Variants in FGD4 observed in about 807,000 individuals in gnomAD.
FGD4 encodes FYVE, RhoGEF and PH domain-containing protein 4.
A neutral mutation model predicts 102.0 loss-of-function variants in FGD4; 42 were observed. That is an observed-to-expected ratio of 0.41 (90% CI 0.32 to 0.53). FGD4 has a LOEUF of 0.53. Among genes scored for constraint, FGD4 ranks in the 20% least tolerant of loss-of-function variants. FGD4 has a pLI of 0.21. For synonymous variants in FGD4, 380 were observed against 375.7 expected (o/e 1.01, Z -0.13); for missense variants, 902 against 1,078.2 (o/e 0.84, Z 2.29).
intron 1 of FGD4, among the ~76,000 whole-genome samples, chr12:32,453,200 T>TTTTATATATATATATATATA (rs1470836726): frequency 3.1e-5 from 2 of 64,584 alleles, no homozygotes; most frequent in African/African-American, 1.0e-4. Flanking sequence ...TATATATATA[T>TTTTATATATATATATATATA]TATATATATA....
chr12:32,591,367 A>G (rs1045138380), intron 4 of FGD4, among the ~76,000 whole-genome samples: 5 of 152,230 alleles, frequency 3.3e-5, no homozygotes, highest in Admixed American at 6.5e-5. Flanking sequence ...TTTTTAGGAA[A>G]ATTCTTCCTA....
intron 1 of FGD4, among the ~76,000 whole-genome samples, chr12:32,438,898 G>A (rs2389035): frequency 0.33 from 50,656 of 152,012 alleles, 9,385 homozygotes; most frequent in African/African-American, 0.48. Flanking sequence ...GTGAGCCACT[G>A]CGCCCGGCCC....
intron 1 of FGD4, among the ~76,000 whole-genome samples, chr12:32,561,166 C>T (rs192114349): frequency 1.4e-5 from 2 of 142,726 alleles, no homozygotes; most frequent in Non-Finnish European, 3.0e-5. Flanking sequence ...CTCACTGCAA[C>T]CTCCCCCCAT....
At chr12:32,427,573 T>C (rs376311423) in intron 1 of FGD4, among the ~76,000 whole-genome samples, 2 of 152,362 alleles carry the variant, frequency 1.3e-5, no homozygotes, top group Admixed American at 6.5e-5. Context: ...TGTAGATGTC[T>C]ATTAGGTCTG....
At chr12:32,480,164 T>TTG (rs1288288962) in intron 1 of FGD4, among the ~76,000 whole-genome samples, 1 of 148,374 alleles carries the variant, frequency 6.7e-6, no homozygotes, top group Non-Finnish European at 1.5e-5. Context: ...GGGTTTTTTT[T>TTG]GTTTTTTTTG....
intron 1 of FGD4, chr12:32,511,990 G>T (rs1939421608): frequency 6.6e-6 from 1 of 152,124 alleles, no homozygotes; most frequent in Non-Finnish European, 1.5e-5. Context: ...AAATGGAATA[G>T]ATGTAAAATT....
intron 1 of FGD4, among the ~76,000 whole-genome samples, chr12:32,563,343 C>T (rs1363770985): frequency 2.0e-5 from 3 of 150,158 alleles, no homozygotes; most frequent in Non-Finnish European, 3.0e-5. Flanking sequence ...CGGGCAGGGG[C>T]GCTCCTCACA....
chr12:32,436,982 G>A (rs1045005024), intron 1 of FGD4, among the ~76,000 whole-genome samples: 9 of 151,962 alleles, frequency 5.9e-5, no homozygotes, highest in Non-Finnish European at 1.0e-4. Flanking sequence ...GGTGGCGGGC[G>A]CCTGTAGTCC....
chr12:32,509,555 T>C (rs993722348), intron 1 of FGD4, among the ~76,000 whole-genome samples: 2 of 152,260 alleles, frequency 1.3e-5, no homozygotes, highest in African/African-American at 4.8e-5. Context: ...TATTTTGGAT[T>C]GGCACCCTTG....
intron 1 of FGD4, among the ~76,000 whole-genome samples, chr12:32,505,568 T>TTGA (rs1938634790): frequency 6.6e-6 from 1 of 152,202 alleles, no homozygotes; most frequent in Non-Finnish European, 1.5e-5. Context: ...TCTATGCAGG[T>TTGA]TGATGTAGAT....
At chr12:32,514,373 A>G (rs1401569589) in intron 1 of FGD4, among the ~76,000 whole-genome samples, 2 of 152,166 alleles carry the variant, frequency 1.3e-5, no homozygotes, top group Non-Finnish European at 2.9e-5. Flanking sequence ...CCACTTTCCC[A>G]ATAAACCTTT....
At chr12:32,600,482 C>G in intron 5 of FGD4, 8 of 1,274,606 alleles carry the variant, frequency 6.3e-6, no homozygotes, top group Non-Finnish European at 7.1e-6. Flanking sequence ...CTCCTTCTGC[C>G]TACATGTAAC....
intron 1 of FGD4, among the ~76,000 whole-genome samples, chr12:32,407,232 TCTC>T (rs1431197825): frequency 1.3e-5 from 2 of 151,172 alleles, no homozygotes; most frequent in African/African-American, 4.9e-5. Flanking sequence ...TTCAAATGAT[TCTC>T]CTGCCTCAGC....
Position 32,576,346 on chromosome 12 carries a change from G to T in FGD4, c.400G>T (p.Ala134Ser). The T allele has an allele frequency of 6.2e-7, 1 of 1,614,082 alleles. No individual in the cohort carries two copies. The highest frequency in any genetic ancestry group is 8.5e-7 in the Non-Finnish European group (1 of 1,180,002). The stretch of plus-strand genomic sequence containing the variant: ...CCCCAGGCATAAAGCTTTACCTAGT[G>T]CAAAACCAAGGATGGAGGAAATTAA... Reference protein sequence around the residue: ...QTPRHKALPSAKPRMEEIKPA... With the variant: ...QTPRHKALPSSKPRMEEIKPA... Residue 134 changes from alanine to serine, a missense_variant, in exon 3 of 17, where the codon GCA (alanine) becomes TCA (serine). This residue lies in a region of FGD4 where 443 missense variants were observed against 459.2 expected (regional missense o/e 0.96). Transcript: ENST00000534526.
chr12:32,458,296 G>C (rs1943001352), intron 1 of FGD4, among the ~76,000 whole-genome samples: 1 of 151,814 alleles, frequency 6.6e-6, no homozygotes, highest in Admixed American at 6.6e-5. Flanking sequence ...TCAGCCTCCT[G>C]AGTAATTGGG....
intron 1 of FGD4, among the ~76,000 whole-genome samples, chr12:32,550,475 G>A (rs1943560710): frequency 6.6e-6 from 1 of 152,078 alleles, no homozygotes; most frequent in Non-Finnish European, 1.5e-5. Context: ...TTCGAGACCA[G>A]CCTGGGCAAA....
At chr12:32,510,203 T>C (rs1222549773) in intron 1 of FGD4, among the ~76,000 whole-genome samples, 1 of 152,222 alleles carries the variant, frequency 6.6e-6, no homozygotes, top group Non-Finnish European at 1.5e-5. Context: ...TTAGTGGGAA[T>C]GGGAAGAAGT....
rs1157108520 is a variant in FGD4, at chr12:32,481,127, CAAAAAAA to C, written c.166+81192_166+81198del. Among the ~76,000 whole-genome samples, 249 of 27,302 alleles carry C rather than the reference CAAAAAAA, an allele frequency of 9.1e-3. 1 individual carries two copies. Among genetic ancestry groups the C allele is most frequent in the African/African-American group, 0.042 (230 of 5,420 alleles). 17.9% of individuals were successfully genotyped at this position (27,302 alleles called of 152,430 possible). A position where few individuals can be genotyped will look rare whatever the true frequency, so the allele number is the denominator to read the frequency against. On this transcript the variant is annotated intron_variant, in intron 1 of 16. Transcript: ENST00000534526. ...TGGGTGACAGAGTGAGACTCCGTCT[CAAAAAAA>C]AAAAAAAAAAAAAAAAAAAAAAAGC...
chr12:32,482,969 T>G (rs1943804309), intron 1 of FGD4, among the ~76,000 whole-genome samples: 2 of 152,208 alleles, frequency 1.3e-5, no homozygotes, highest in Non-Finnish European at 2.9e-5. Context: ...TTGTTGAGGT[T>G]GTTATGAGGA....
Sources: gnomAD v4.1 joint callset for allele counts (sites outside exome capture counted in the v4.1 genomes callset) on GRCh38, gnomAD v4.1.1 for gene constraint, gnomAD v4.1.1 regional missense constraint, MANE v1.5 for transcripts, NCBI Gene and HGNC (gene_info 2026-07-23, HGNC 2026-07-21) for gene names.